INVS: variants seen among roughly 807,000 people sequenced by gnomAD.
INVS encodes inversion of embryo turning homolog.
A neutral mutation model predicts 108.8 loss-of-function variants in INVS; 86 were observed. The observed-to-expected ratio is 0.79, with a 90% CI of 0.66 to 0.95. The LOEUF (loss-of-function observed/expected upper bound fraction) is 0.95, where lower values mean the gene tolerates loss of function less well. INVS is among the 40% of genes least tolerant of loss of function. INVS has a pLI of 0.00. For missense variants in INVS, 1,169 were observed against 1,297.4 expected (o/e 0.90, Z 1.52); for synonymous variants, 455 against 473.5 (o/e 0.96, Z 0.51).
chr9:100,247,644 A>G (rs1204968133), intron 8 of INVS, among the ~76,000 whole-genome samples: 1 of 145,428 alleles, frequency 6.9e-6, no homozygotes, highest in Non-Finnish European at 1.5e-5. Flanking sequence ...AACAGTAGGG[A>G]GAGAGAAGGG....
At chr9:100,162,239 T>C (rs1222883233) in intron 3 of INVS, among the ~76,000 whole-genome samples, 2 of 152,200 alleles carry the variant, frequency 1.3e-5, no homozygotes, top group African/African-American at 2.4e-5. Context: ...CATGGAAATT[T>C]GTATCATTAA....
At chr9:100,131,822 C>T in intron 3 of INVS, 1 of 615,706 alleles carries the variant, frequency 1.6e-6, no homozygotes, top group East Asian at 1.4e-4. Flanking sequence ...TTTTTAAATT[C>T]ATAAATAATT....
At chr9:100,117,507 C>T (rs1827573955) in intron 2 of INVS, 1 of 831,602 alleles carries the variant, frequency 1.2e-6, no homozygotes, top group Admixed American at 1.8e-5. Context: ...CAGCCCGGGC[C>T]CCGTCCACGG....
chr9:100,128,854 A>G (rs78559214), intron 3 of INVS, among the ~76,000 whole-genome samples: 1,896 of 152,332 alleles, frequency 0.012, 30 homozygotes, highest in African/African-American at 0.043. Context: ...TAGAGAAACA[A>G]TATAAAATAA....
rs2245216 is a variant in INVS at position 100,252,902 on chromosome 9, T to C, written c.1235-5T>C. On this transcript the variant is annotated splice_polypyrimidine_tract_variant and splice_region_variant and intron_variant, in intron 9 of 16. Transcript: ENST00000262457. ...GACATTCTCATTATATTTGTGCTTT[T>C]CCAGGTGGAGCAAGGGTAGATCTAG... 587,553 of 1,605,678 alleles carry C rather than the reference T, an allele frequency of 0.37. 115,210 individuals carry two copies. The highest frequency in any genetic ancestry group is 0.41 in the Non-Finnish European group (482,093 of 1,172,688).
intron 2 of INVS, among the ~76,000 whole-genome samples, chr9:100,123,804 G>A (rs1481736783): frequency 6.6e-6 from 1 of 152,134 alleles, no homozygotes; most frequent in East Asian, 1.9e-4. Flanking sequence ...CCATCCTAGT[G>A]TATGTGAAGT....
intron 3 of INVS, among the ~76,000 whole-genome samples, chr9:100,219,881 G>GATATATATATAT (rs61219577): frequency 1.4e-4 from 21 of 148,020 alleles, no homozygotes; most frequent in African/African-American, 5.2e-4. Context: ...GTCGTTTATG[G>GATATATATATAT]ATATATATAT....
chr9:100,252,927 G>C lies in INVS; in HGVS notation c.1255G>C (p.Val419Leu), dbSNP rs2118562526. The C allele has an allele frequency of 6.2e-7, 1 of 1,613,736 alleles. No homozygotes were observed. The highest frequency in any genetic ancestry group is 8.5e-7 in the Non-Finnish European group (1 of 1,179,720). ...LIKGGARVDL[V>L]DQDGHSLLHW... ...TCCAGGTGGAGCAAGGGTAGATCTA[G>C]TTGACCAAGATGGACATTCTCTTCT... The change falls in exon 10 of 17, where the codon GTT becomes CTT. Residue 419 changes from valine to leucine, a missense_variant. Val to Leu is a conservative substitution (Grantham distance 32, BLOSUM62 1). Transcript: ENST00000262457.
At chr9:100,243,194 CCTT>C (rs1419929854) in intron 7 of INVS, among the ~76,000 whole-genome samples, 1 of 152,144 alleles carries the variant, frequency 6.6e-6, no homozygotes, top group Non-Finnish European at 1.5e-5. Context: ...GTGTAATTGT[CCTT>C]AAAGCAGTGT....
At chr9:100,170,130 A>G (rs937413379) in intron 3 of INVS, among the ~76,000 whole-genome samples, 5 of 152,232 alleles carry the variant, frequency 3.3e-5, no homozygotes, top group African/African-American at 1.2e-4. Flanking sequence ...GATCTAAACT[A>G]GAAATATTTA....
At chr9:100,167,760 G>A (rs934576175) in intron 3 of INVS, among the ~76,000 whole-genome samples, 3 of 151,992 alleles carry the variant, frequency 2.0e-5, no homozygotes, top group Admixed American at 1.3e-4. Flanking sequence ...CTAGTAGTTG[G>A]TGCTCAAAAA....
chr9:100,243,570 A>G (rs1254836349), intron 7 of INVS, among the ~76,000 whole-genome samples: 1 of 152,174 alleles, frequency 6.6e-6, no homozygotes, highest in Non-Finnish European at 1.5e-5. Context: ...CCACCCTGCA[A>G]CATGATAGTG....
intron 3 of INVS, among the ~76,000 whole-genome samples, chr9:100,135,625 C>G (rs1408196672): frequency 2.0e-5 from 3 of 152,104 alleles, no homozygotes; most frequent in Non-Finnish European, 2.9e-5. Context: ...GACTGGTATT[C>G]CTAGCTCTTG....
chr9:100,284,265 TGAG>T, intron 12 of INVS, 52 bp from the exon 13 acceptor site: 1 of 1,600,058 alleles, frequency 6.2e-7, no homozygotes, highest in Non-Finnish European at 8.6e-7. Context: ...CACAGAGACT[TGAG>T]GAGGTGATAC....
chr9:100,167,450 A>C (rs1257772699), intron 3 of INVS, among the ~76,000 whole-genome samples: 1 of 152,058 alleles, frequency 6.6e-6, no homozygotes, highest in African/African-American at 2.4e-5. Flanking sequence ...TCTCCTAGGA[A>C]TGCTGTTCCA....
In INVS at chr9:100,292,827, C is replaced by T. The variant is rs775418651; in HGVS notation, c.2570C>T (p.Ser857Leu). Residue 857 changes from serine (S) to leucine (L), a missense_variant, in exon 14 of 17, where the codon TCA becomes TTA. By Grantham distance (145) the Ser-to-Leu change is moderately radical. Transcript: ENST00000262457. ...HLPQSTEELR[S>L]GARRLETSTL... ...CCACAGAGCACAGAGGAGTTGAGGT[C>T]AGGAGCTAGGAGGCTGGAGACATCT... 13 of 1,613,986 alleles carry T rather than the reference C, an allele frequency of 8.1e-6. No individual in the cohort carries two copies. Among genetic ancestry groups the T allele is most frequent in the Non-Finnish European group, 1.7e-6 (2 of 1,180,034 alleles).
At chr9:100,120,444 C>G in intron 2 of INVS, 1 of 182,660 alleles carries the variant, frequency 5.5e-6, no homozygotes, top group Non-Finnish European at 1.2e-5. Context: ...GTCATAATTT[C>G]CTATTCTAGC....
intron 5 of INVS, among the ~76,000 whole-genome samples, chr9:100,239,526 T>C (rs1399600539): frequency 1.3e-5 from 2 of 152,228 alleles, no homozygotes; most frequent in African/African-American, 4.8e-5. Flanking sequence ...TTAATCTAGA[T>C]AATCAGTATG....
chr9:100,255,446 C>A (rs1223055927), intron 10 of INVS, among the ~76,000 whole-genome samples: 1 of 152,280 alleles, frequency 6.6e-6, no homozygotes, highest in South Asian at 2.1e-4. Context: ...ACTTCCAACA[C>A]TGTGTTGAAT....
Sources: allele counts gnomAD v4.1 joint callset (sites outside exome capture counted in the v4.1 genomes callset), GRCh38; gene constraint gnomAD v4.1.1; transcripts MANE v1.5; gene names NCBI Gene and HGNC (gene_info 2026-07-23, HGNC 2026-07-21).